MTA3: variants seen among roughly 807,000 people sequenced by gnomAD.
MTA3 encodes the protein metastasis-associated protein MTA3.
MTA3 carries 34 observed loss-of-function variants against 83.5 expected under a neutral mutation model. The observed-to-expected ratio is 0.41, with a 90% CI of 0.31 to 0.54. MTA3 has a LOEUF of 0.54. Among genes scored for constraint, MTA3 ranks in the 20% least tolerant of loss-of-function variants. The pLI, the probability that MTA3 is intolerant of heterozygous loss-of-function variation, is 0.33. For synonymous variants in MTA3, 303 were observed against 252.7 expected (o/e 1.20, Z -1.89); for missense variants, 761 against 726.4 (o/e 1.05, Z -0.55).
intron 3 of MTA3, among the ~76,000 whole-genome samples, chr2:42,586,595 C>T (rs1303930302): frequency 1.9e-5 from 1 of 52,036 alleles, no homozygotes; most frequent in Non-Finnish European, 3.7e-5. Flanking sequence ...CACACACACA[C>T]ACACACACAC....
rs75593813 is a variant in MTA3 at position 42,596,743 on chromosome 2, C to G, written c.191-12715C>G. Among the ~76,000 whole-genome samples, 5 of 152,200 alleles carry G rather than the reference C, an allele frequency of 3.3e-5. No individual in the cohort carries two copies. In the East Asian group the frequency reaches 9.6e-4, roughly 29 times the overall value. On this transcript the variant is annotated intron_variant, in intron 3 of 16. Transcript: ENST00000405094. ...AGCCTTGTGTTAGCTTTACTTCTGT[C>G]ATTGTGTGGCTTAATTTGTGGTCTG...
chr2:42,565,963 C>T (rs965305132), upstream of MTA3, among the ~76,000 whole-genome samples: 21 of 152,096 alleles, frequency 1.4e-4, no homozygotes, highest in Admixed American at 9.8e-4. Flanking sequence ...GAATCCGAAT[C>T]GTGCCATTGC....
upstream of MTA3, among the ~76,000 whole-genome samples, chr2:42,565,653 G>A (rs7585399): frequency 1.3e-5 from 2 of 152,166 alleles, no homozygotes; most frequent in African/African-American, 2.4e-5. Context: ...AACTGGAATA[G>A]AGAGAAGGGA....
chr2:42,677,120 A>G (rs866658499), intron 8 of MTA3, among the ~76,000 whole-genome samples: 16 of 152,326 alleles, frequency 1.1e-4, no homozygotes, highest in African/African-American at 2.9e-4. Flanking sequence ...ATCAACAAGA[A>G]TAATCATAGA....
intron 2 of MTA3, among the ~76,000 whole-genome samples, chr2:42,507,332 C>T (rs901466192): frequency 6.6e-6 from 1 of 152,000 alleles, no homozygotes; most frequent in African/African-American, 2.4e-5. Context: ...TGACCACACC[C>T]AGCTAATGTC....
rs189684785 is a variant in MTA3, at chr2:42,663,241, C to T, written c.702+3379C>T. ...TGTTCCTGAGATGGTGGAGAGTTCTCGTGGCAGCTGGGCTGACTTGCCTGA... is the reference window on the plus strand; with the variant it reads ...TGTTCCTGAGATGGTGGAGAGTTCTTGTGGCAGCTGGGCTGACTTGCCTGA... On this transcript the variant is annotated intron_variant, in intron 8 of 16. Coordinates refer to ENST00000405094, the MANE Select transcript of MTA3 (RefSeq NM_001330442.2). Among the ~76,000 whole-genome samples, 651 of 152,192 alleles carry T rather than the reference C, an allele frequency of 4.3e-3. 7 individuals are homozygous for T. The highest frequency in any genetic ancestry group is 0.015 in the African/African-American group (616 of 41,528).
chr2:42,495,011 G>A (rs901624189), intron 1 of MTA3: 39 of 152,532 alleles, frequency 2.6e-4, no homozygotes, highest in African/African-American at 9.2e-4. Flanking sequence ...AGACAGGTGA[G>A]TTGTAAGGCG....
chr2:42,501,385 T>C (rs1674389157), intron 2 of MTA3, among the ~76,000 whole-genome samples: 1 of 152,220 alleles, frequency 6.6e-6, no homozygotes, highest in Non-Finnish European at 1.5e-5. Context: ...TTATGTCTGA[T>C]TCTTCTCAAT....
Position 42,513,516 on chromosome 2 carries a change from C to A in MTA3, c.-141+18262C>A, listed in dbSNP as rs536816690. 4.6e-5 allele frequency among the ~76,000 whole-genome samples: 7 copies of A among 152,328 alleles called. No individual in the cohort carries two copies. In the East Asian group the frequency reaches 1.3e-3, roughly 29 times the overall value. ...AGGAACAGACTCCGTGTTAAAGCCT[C>A]CTGGCCAATAGTGAGGCCACATCTA... On this transcript the variant is annotated intron_variant, in intron 2 of 17. Transcript: ENST00000405592.
At chr2:42,499,473 A>G (rs1026349923) in intron 2 of MTA3, among the ~76,000 whole-genome samples, 3 of 150,068 alleles carry the variant, frequency 2.0e-5, no homozygotes, top group Non-Finnish European at 4.4e-5. Context: ...GCGAGGGTAG[A>G]TCTTATAGGT....
At chr2:42,611,771 T>C (rs1684248372) in intron 4 of MTA3, among the ~76,000 whole-genome samples, 1 of 152,112 alleles carries the variant, frequency 6.6e-6, no homozygotes, top group Non-Finnish European at 1.5e-5. Flanking sequence ...GCCACAGTTA[T>C]ACCACCACAC....
At chr2:42,713,598 C>T (rs1187280086) in intron 14 of MTA3, among the ~76,000 whole-genome samples, 1 of 139,416 alleles carries the variant, frequency 7.2e-6, no homozygotes, top group Non-Finnish European at 1.5e-5. Context: ...CAATGATAAC[C>T]ATTATCATCG....
At chr2:42,694,287 G>T (rs993028218) in intron 9 of MTA3, among the ~76,000 whole-genome samples, 3 of 151,926 alleles carry the variant, frequency 2.0e-5, no homozygotes, top group Non-Finnish European at 4.4e-5. Context: ...CATGCCACCC[G>T]AAGTCCTCTG....
rs1338641451 is a variant in MTA3, at chr2:42,549,501, C to T, written c.-140-20936C>T. Reference sequence around the variant, plus strand: ...TATATATTTAAATTATATATTATATCATATATAATATATATGATATAATAT... The same window carrying T: ...TATATATTTAAATTATATATTATATTATATATAATATATATGATATAATAT... On this transcript the variant is annotated intron_variant, in intron 2 of 17. Coordinates refer to the MTA3 transcript ENST00000405592. Among the ~76,000 whole-genome samples, 6 of 6,412 alleles carry T rather than the reference C, an allele frequency of 9.4e-4. No individual in the cohort carries two copies. In the African/African-American group the frequency reaches 0.032, roughly 34 times the overall value. 4.2% of individuals were successfully genotyped at this position (6,412 alleles called of 152,430 possible).
intron 2 of MTA3, among the ~76,000 whole-genome samples, chr2:42,495,650 T>C (rs1674096600): frequency 6.6e-6 from 1 of 152,148 alleles, no homozygotes. Context: ...AGAAGTATAA[T>C]GCACTTGCCC....
At chr2:42,496,538 T>A (rs1052276218) in intron 2 of MTA3, among the ~76,000 whole-genome samples, 3 of 149,580 alleles carry the variant, frequency 2.0e-5, no homozygotes, top group African/African-American at 7.4e-5. Flanking sequence ...ATCTTTAGAA[T>A]GCATTACAAT....
chr2:42,650,996 G>A (rs1442269715), intron 6 of MTA3, among the ~76,000 whole-genome samples: 1 of 152,100 alleles, frequency 6.6e-6, no homozygotes, highest in Non-Finnish European at 1.5e-5. Flanking sequence ...ACCTAGATAG[G>A]TGCAGCTTAC....
At chr2:42,726,740 G>A (rs1667848163) in intron 16 of MTA3, among the ~76,000 whole-genome samples, 1 of 152,136 alleles carries the variant, frequency 6.6e-6, no homozygotes, top group African/African-American at 2.4e-5. Context: ...TGAAAATCAC[G>A]GTCTTTCCTG....
At chr2:42,724,140 C>G (rs1206361846) in intron 16 of MTA3, among the ~76,000 whole-genome samples, 3 of 152,088 alleles carry the variant, frequency 2.0e-5, no homozygotes, top group Admixed American at 1.3e-4. Context: ...GGATGTATTT[C>G]TTTCAGCCTT....
Sources: allele counts gnomAD v4.1 joint callset (sites outside exome capture counted in the v4.1 genomes callset), GRCh38; gene constraint gnomAD v4.1.1; transcripts MANE v1.5; gene names NCBI Gene and HGNC (gene_info 2026-07-23, HGNC 2026-07-21).